EPHB1: variants seen among roughly 807,000 people sequenced by gnomAD.
EPHB1 encodes ephrin type-B receptor 1.
A neutral mutation model predicts 94.4 loss-of-function variants in EPHB1; 30 were observed. The ratio of observed to expected loss-of-function variants is 0.32; its 90% CI spans 0.24 to 0.43. The LOEUF is 0.43. Ranked by LOEUF, EPHB1 falls within the 20% of genes least tolerant of loss-of-function variation. The pLI is 1.00. For synonymous variants in EPHB1, 522 were observed against 489.1 expected (o/e 1.07, Z -0.89); for missense variants, 1,055 against 1,308.3 (o/e 0.81, Z 2.99).
At chr3:135,093,418 A>C (rs1030277561) in intron 3 of EPHB1, among the ~76,000 whole-genome samples, 6 of 152,060 alleles carry the variant, frequency 3.9e-5, no homozygotes, top group Admixed American at 3.9e-4. Flanking sequence ...ATCTTCCACT[A>C]TTTGAAAAAT....
At chr3:135,203,209 T>C (rs1942803762) in intron 12 of EPHB1, among the ~76,000 whole-genome samples, 1 of 152,072 alleles carries the variant, frequency 6.6e-6, no homozygotes, top group African/African-American at 2.4e-5. Context: ...CATGGACACA[T>C]GTGACACATG....
intron 3 of EPHB1, among the ~76,000 whole-genome samples, chr3:135,059,180 T>C (rs1051063133): frequency 1.3e-5 from 2 of 152,236 alleles, no homozygotes; most frequent in Non-Finnish European, 2.9e-5. Context: ...GGGGAACTTA[T>C]GTTCCCCTTC....
At position 135,260,355 on chromosome 3, in the gene EPHB1, G is replaced by T; in HGVS notation, c.*1235G>T. 1.3e-5 allele frequency: 3 copies of T among 231,662 alleles called. No homozygotes were observed. The highest frequency in any genetic ancestry group is 1.7e-5 in the Non-Finnish European group (2 of 116,854). 14.4% of individuals were successfully genotyped at this position (231,662 alleles called of 1,614,324 possible). On this transcript the variant is annotated 3_prime_UTR_variant, in exon 16 of 16. Coordinates refer to ENST00000398015, the MANE Select transcript of EPHB1 (RefSeq NM_004441.5). ...GTACCTCATTGTTCAATTCACTTTT[G>T]TAAATTCCACCTAACATTTAATTAT...
chr3:134,799,687 G>T (rs1038816628), intron 1 of EPHB1, among the ~76,000 whole-genome samples: 7 of 152,184 alleles, frequency 4.6e-5, no homozygotes, highest in African/African-American at 1.7e-4. Flanking sequence ...GTCACACAGT[G>T]TCCGGCTCCA....
intron 4 of EPHB1, among the ~76,000 whole-genome samples, chr3:135,126,381 G>A (rs1940207587): frequency 6.6e-6 from 1 of 152,148 alleles, no homozygotes; most frequent in African/African-American, 2.4e-5. Context: ...AAAGAAAAGA[G>A]GGCACAGTTT....
Position 134,818,155 on chromosome 3 carries a change from T to G in EPHB1, c.58+22466T>G, listed in dbSNP as rs1056280570. Among the ~76,000 whole-genome samples, 31 of 152,172 alleles carry G rather than the reference T, an allele frequency of 2.0e-4. 1 individual carries two copies. Among genetic ancestry groups the G allele is most frequent in the African/African-American group, 7.5e-4 (31 of 41,438 alleles). On this transcript the variant is annotated intron_variant, in intron 1 of 15. Coordinates refer to ENST00000398015, the MANE Select transcript of EPHB1 (RefSeq NM_004441.5). The stretch of plus-strand genomic sequence containing the variant: ...TAGGTGACCATCTCACACTCCTAGG[T>G]GATTGTAAGGCAATGACTGGGGAAT...
At chr3:135,216,936 G>A (rs115204273) in intron 12 of EPHB1, among the ~76,000 whole-genome samples, 1 of 152,228 alleles carries the variant, frequency 6.6e-6, no homozygotes, top group South Asian at 2.1e-4. Context: ...GTAAATCACT[G>A]TTCAAGGAAA....
At chr3:134,969,789 A>G (rs193300257) in intron 3 of EPHB1, among the ~76,000 whole-genome samples, 1 of 152,224 alleles carries the variant, frequency 6.6e-6, no homozygotes, top group African/African-American at 2.4e-5. Flanking sequence ...AGTCTGCTGG[A>G]AAAAATCTGC....
intron 3 of EPHB1, among the ~76,000 whole-genome samples, chr3:135,047,537 C>T (rs780351512): frequency 6.6e-6 from 1 of 152,190 alleles, no homozygotes; most frequent in Non-Finnish European, 1.5e-5. Flanking sequence ...GCAGGACTGA[C>T]TGACCTATTA....
intron 3 of EPHB1, among the ~76,000 whole-genome samples, chr3:135,048,780 G>A (rs1314214843): frequency 6.6e-6 from 1 of 152,220 alleles, no homozygotes; most frequent in Non-Finnish European, 1.5e-5. Flanking sequence ...GGGCCACTGT[G>A]TCTTCTGCTT....
intron 10 of EPHB1, among the ~76,000 whole-genome samples, chr3:135,185,351 G>C (rs1353864129): frequency 6.6e-6 from 1 of 152,196 alleles, no homozygotes; most frequent in Non-Finnish European, 1.5e-5. Context: ...GACAGCATGA[G>C]GGTAGCTCCA....
intron 12 of EPHB1, among the ~76,000 whole-genome samples, chr3:135,221,475 T>C (rs73862049): frequency 0.03 from 4,504 of 152,334 alleles, 208 homozygotes; most frequent in African/African-American, 0.1. Flanking sequence ...ACTCATTCTT[T>C]CCTTGTTCTA....
intron 1 of EPHB1, among the ~76,000 whole-genome samples, chr3:134,826,251 C>CAAA (rs34084951): frequency 0.047 from 5,528 of 118,862 alleles, 196 homozygotes; most frequent in Middle Eastern, 0.083. Flanking sequence ...GACTCCATCT[C>CAAA]AAAAAAAAAA....
At chr3:134,992,380 C>T (rs1009052450) in intron 3 of EPHB1, among the ~76,000 whole-genome samples, 5 of 152,140 alleles carry the variant, frequency 3.3e-5, no homozygotes, top group African/African-American at 4.8e-5. Context: ...GCTCTCTGTG[C>T]GCAAAGGACA....
chr3:134,822,814 T>G (rs1266269809), intron 1 of EPHB1, among the ~76,000 whole-genome samples: 1 of 152,202 alleles, frequency 6.6e-6, no homozygotes, highest in Non-Finnish European at 1.5e-5. Flanking sequence ...TCAGAAATGC[T>G]GAGATTGTTT....
chr3:135,196,712 G>T (rs770812260), intron 11 of EPHB1, among the ~76,000 whole-genome samples: 10 of 152,128 alleles, frequency 6.6e-5, no homozygotes, highest in Non-Finnish European at 1.5e-4. Context: ...TTCTGGAACT[G>T]TTTCCTCCCC....
rs180712917 is a variant in EPHB1, at chr3:134,855,963, G to T, written c.58+60274G>T. ...AGAGGAGTCAGATAACTTATTCAAG[G>T]TCATGTAGCTACTAAAGGGTGGAGT... On this transcript the variant is annotated intron_variant, in intron 1 of 15. Transcript: ENST00000398015. Among the ~76,000 whole-genome samples, 10 of 152,276 alleles carry T rather than the reference G, an allele frequency of 6.6e-5. No homozygotes were observed. In the East Asian group the frequency reaches 1.9e-3, roughly 29 times the overall value.
intron 15 of EPHB1, among the ~76,000 whole-genome samples, chr3:135,256,266 G>A (rs912984895): frequency 2.6e-5 from 4 of 152,126 alleles, no homozygotes; most frequent in Non-Finnish European, 5.9e-5. Context: ...TCATTATGAT[G>A]TTAGCTGGTT....
chr3:134,943,988 G>A (rs1054871610), intron 2 of EPHB1, among the ~76,000 whole-genome samples: 1 of 152,178 alleles, frequency 6.6e-6, no homozygotes, highest in Non-Finnish European at 1.5e-5. Flanking sequence ...CTCATTTTAA[G>A]TGTATTAAAG....
Sources: gnomAD v4.1 joint callset for allele counts (sites outside exome capture counted in the v4.1 genomes callset) on GRCh38, gnomAD v4.1.1 for gene constraint, MANE v1.5 for transcripts, NCBI Gene and HGNC (gene_info 2026-07-23, HGNC 2026-07-21) for gene names.